DIAPH2: variants seen among roughly 807,000 people sequenced by gnomAD.
DIAPH2 encodes diaphanous related formin 2, also known as protein diaphanous homolog 2.
Under a neutral mutation model 92.7 loss-of-function variants are expected in DIAPH2, and 35 were observed. The observed-to-expected ratio is 0.38, with a 90% CI of 0.29 to 0.50. DIAPH2 has a LOEUF of 0.50. DIAPH2 is among the 20% of genes least tolerant of loss of function. The probability of loss-of-function intolerance (pLI) is 0.94; values close to 1 mark genes in which losing one functional copy is unlikely to be tolerated. For synonymous variants in DIAPH2, 301 were observed against 280.4 expected (o/e 1.07, Z -0.73); for missense variants, 701 against 819.5 (o/e 0.86, Z 1.77).
chrX:96,951,879 G>T (rs1373003025), intron 15 of DIAPH2, among the ~76,000 whole-genome samples: 1 of 111,117 alleles, frequency 9.0e-6, no homozygotes, highest in Non-Finnish European at 1.9e-5. Flanking sequence ...GCATTTTGTG[G>T]TTGTATAAAA....
chrX:96,904,882 A>G (rs1425534256), intron 5 of DIAPH2, among the ~76,000 whole-genome samples: 1 of 111,864 alleles, frequency 8.9e-6, no homozygotes, highest in East Asian at 2.8e-4. Flanking sequence ...CTTTTGAATT[A>G]GTTGTTTCAC....
At chrX:97,559,697 T>C (rs180968797) in intron 26 of DIAPH2, among the ~76,000 whole-genome samples, 1 of 111,734 alleles carries the variant, frequency 8.9e-6, no homozygotes, top group East Asian at 2.8e-4. Context: ...ATTAAAATGA[T>C]CAAAAACAAA....
chrX:97,414,372 C>G (rs1228912547), intron 25 of DIAPH2, among the ~76,000 whole-genome samples: 2 of 111,586 alleles, frequency 1.8e-5, no homozygotes, highest in Non-Finnish European at 3.8e-5. Context: ...TGAAACTGTC[C>G]AGGCATGGTG....
At chrX:96,786,126 A>G (rs1338326522) in intron 4 of DIAPH2, among the ~76,000 whole-genome samples, 5 of 112,152 alleles carry the variant, frequency 4.5e-5, no homozygotes, top group Non-Finnish European at 9.4e-5. Context: ...GAGGTAATCC[A>G]AAATGTGATT....
chrX:97,429,404 C>T (rs2070103369), intron 25 of DIAPH2, among the ~76,000 whole-genome samples: 1 of 111,102 alleles, frequency 9.0e-6, no homozygotes, highest in African/African-American at 3.3e-5. Context: ...AGCGTGTCAT[C>T]AATAATACAA....
intron 20 of DIAPH2, among the ~76,000 whole-genome samples, chrX:97,104,789 A>G (rs1174874798): frequency 9.0e-6 from 1 of 111,634 alleles, no homozygotes; most frequent in Non-Finnish European, 1.9e-5. Context: ...AGGGGTGTAA[A>G]TATGCCAGAA....
chrX:97,303,070 C>T (rs917289168), intron 23 of DIAPH2, among the ~76,000 whole-genome samples: 3 of 112,488 alleles, frequency 2.7e-5, no homozygotes, highest in Non-Finnish European at 5.6e-5. Context: ...TGTTTTGGTG[C>T]TTTTGACACT....
intron 15 of DIAPH2, among the ~76,000 whole-genome samples, chrX:96,955,576 G>A (rs899335279): frequency 9.0e-6 from 1 of 111,383 alleles, no homozygotes. Context: ...CTGCCTATGA[G>A]CCTGTAAAAT....
chrX:97,099,255 A>T lies in DIAPH2; in HGVS notation c.2248-439A>T, dbSNP rs779347575. 1.0e-4 allele frequency among the ~76,000 whole-genome samples: 11 copies of T among 109,920 alleles called. No individual in the cohort carries two copies. In the East Asian group the frequency reaches 1.4e-3, roughly 14 times the overall value. ...GTGGCGGGCGCCTGTTATCCCAGCTACTCGTGAGGCTGAGGCAGGAGAATG... is the reference window on the plus strand; with the variant it reads ...GTGGCGGGCGCCTGTTATCCCAGCTTCTCGTGAGGCTGAGGCAGGAGAATG... On this transcript the variant is annotated intron_variant, in intron 19 of 26. Transcript: ENST00000324765.
chrX:97,115,094 C>A (rs757557090), intron 21 of DIAPH2, 129 bp downstream of exon 21: 8 of 526,592 alleles, frequency 1.5e-5, no homozygotes, highest in African/African-American at 2.3e-5. Flanking sequence ...TTCTGGGATG[C>A]GAATTATATC....
intron 4 of DIAPH2, among the ~76,000 whole-genome samples, chrX:96,761,573 A>C (rs2147602650): frequency 9.0e-6 from 1 of 111,469 alleles, no homozygotes; most frequent in African/African-American, 3.2e-5. Flanking sequence ...AGACATGGCC[A>C]AAATATTTTC....
chrX:97,568,297 A>G (rs1438862201), intron 26 of DIAPH2, among the ~76,000 whole-genome samples: 1 of 110,574 alleles, frequency 9.0e-6, no homozygotes, highest in Non-Finnish European at 1.9e-5. Flanking sequence ...AAAGGGGAGC[A>G]TGTTATTGGC....
intron 4 of DIAPH2, among the ~76,000 whole-genome samples, chrX:96,806,842 G>A: frequency 9.5e-6 from 1 of 105,670 alleles, no homozygotes; most frequent in East Asian, 3.1e-4. Context: ...CCGGGTTCAC[G>A]CCATTCTCCT....
chrX:97,377,756 G>A (rs1460286700), intron 24 of DIAPH2, among the ~76,000 whole-genome samples: 3 of 110,746 alleles, frequency 2.7e-5, no homozygotes, highest in Admixed American at 9.6e-5. Flanking sequence ...CATATAAAGA[G>A]GACAATTTCC....
intron 5 of DIAPH2, among the ~76,000 whole-genome samples, chrX:96,911,368 C>CTAGAAG (rs147837909): frequency 9.2e-5 from 10 of 108,229 alleles, no homozygotes; most frequent in Non-Finnish European, 1.4e-4. Flanking sequence ...AGGAGGCATT[C>CTAGAAG]TAGAAGTAGA....
chrX:97,237,594 T>A (rs1298772188), intron 22 of DIAPH2, among the ~76,000 whole-genome samples: 1 of 110,607 alleles, frequency 9.0e-6, no homozygotes, highest in African/African-American at 3.3e-5. Context: ...TTTTTTTTTT[T>A]GAGACAAGAG....
intron 26 of DIAPH2, among the ~76,000 whole-genome samples, chrX:97,519,976 G>T (rs991282988): frequency 7.2e-5 from 8 of 111,557 alleles, no homozygotes; most frequent in Admixed American, 3.8e-4. Context: ...CTCCCAAAGT[G>T]CTGGGATTAC....
chrX:96,782,483 G>C (rs1315986438), intron 4 of DIAPH2, among the ~76,000 whole-genome samples: 1 of 111,906 alleles, frequency 8.9e-6, no homozygotes, highest in Non-Finnish European at 1.9e-5. Context: ...TTTTTTAGTA[G>C]AGACGGGGTT....
At chrX:96,813,619 C>T (rs182855227) in intron 4 of DIAPH2, among the ~76,000 whole-genome samples, 1,445 of 111,398 alleles carry the variant, frequency 0.013, 18 homozygotes, top group African/African-American at 0.04. Context: ...TTCCTACCAT[C>T]GATGGTCTTT....
Sources: allele counts gnomAD v4.1 joint callset (sites outside exome capture counted in the v4.1 genomes callset), GRCh38; gene constraint gnomAD v4.1.1; transcripts MANE v1.5; gene names NCBI Gene and HGNC (gene_info 2026-07-23, HGNC 2026-07-21).